Variants in CCDC160 observed in about 807,000 individuals in gnomAD.
CCDC160 encodes coiled-coil domain-containing protein 160.
For missense variants in CCDC160, 227 were observed against 215.6 expected (o/e 1.05, Z -0.33); for synonymous variants, 94 against 79.4 (o/e 1.18, Z -0.98).
intron 1 of CCDC160, among the ~76,000 whole-genome samples, chrX:134,243,965 A>G (rs1355185130): frequency 9.0e-6 from 1 of 111,400 alleles, no homozygotes; most frequent in Non-Finnish European, 1.9e-5. Flanking sequence ...TGGGTAGGGA[A>G]GACTCTTTTT....
intron 1 of CCDC160, 99 bp from the exon 3 acceptor site, chrX:134,244,678 A>G: frequency 1.2e-6 from 1 of 805,444 alleles, no homozygotes; most frequent in Non-Finnish European, 1.7e-6. Flanking sequence ...TCAAATGTTT[A>G]GATTCTTCAC....
intron 1 of CCDC160, chrX:134,243,377 T>C: frequency 1.3e-6 from 1 of 747,675 alleles, no homozygotes; most frequent in Non-Finnish European, 1.6e-6. Context: ...CTTCCATCTT[T>C]TGTGGGGAAA....
At chrX:134,245,176 C>T (rs1329031512) in exon 2 of CCDC160, 2 of 1,195,981 alleles carry the variant, frequency 1.7e-6, no homozygotes, top group Admixed American at 2.3e-5. Flanking sequence ...AGATAACTTA[C>T]CAGCTCTACT....
intron 1 of CCDC160, chrX:134,238,837 A>C (rs1459364984): frequency 3.6e-5 from 4 of 111,801 alleles, no homozygotes; most frequent in African/African-American, 1.3e-4. Flanking sequence ...GGACCCCAGG[A>C]AGTGTAAGTA....
At chrX:134,245,197 A>G (rs747236200) in exon 2 of CCDC160, 15 of 1,194,696 alleles carry the variant, frequency 1.3e-5, no homozygotes, top group South Asian at 1.9e-5. Flanking sequence ...AAGACAAGAC[A>G]TAAGAAAGAA....
intron 1 of CCDC160, among the ~76,000 whole-genome samples, chrX:134,241,522 C>T (rs1475820527): frequency 8.9e-6 from 1 of 111,924 alleles, no homozygotes; most frequent in Non-Finnish European, 1.9e-5. Context: ...TCATGTCAGA[C>T]ACAAATGAAT....
chrX:134,239,930 TC>T (rs1426747772), intron 1 of CCDC160, among the ~76,000 whole-genome samples: 2 of 112,221 alleles, frequency 1.8e-5, no homozygotes, highest in Non-Finnish European at 3.8e-5. Flanking sequence ...CACACTCAGT[TC>T]CTTTCTCAGG....
intron 1 of CCDC160, among the ~76,000 whole-genome samples, chrX:134,240,588 C>T (rs2077024030): frequency 9.3e-6 from 1 of 107,416 alleles, no homozygotes; most frequent in Non-Finnish European, 1.9e-5. Flanking sequence ...CCTACTCTGC[C>T]TGGAAGAATA....
chrX:134,243,800 C>T (rs1243381999), intron 1 of CCDC160, among the ~76,000 whole-genome samples: 6 of 111,262 alleles, frequency 5.4e-5, no homozygotes, highest in African/African-American at 2.0e-4. Context: ...TTCTCCTCAC[C>T]CTTTAGGGCT....
At chrX:134,241,860 T>C in intron 1 of CCDC160, among the ~76,000 whole-genome samples, 1 of 112,020 alleles carries the variant, frequency 8.9e-6, no homozygotes, top group Admixed American at 9.5e-5. Context: ...CCTAGTCAAG[T>C]TTATTGAGAA....
chrX:134,239,614 CT>C (rs778857363), intron 1 of CCDC160, among the ~76,000 whole-genome samples: 1 of 110,125 alleles, frequency 9.1e-6, no homozygotes, highest in East Asian at 2.8e-4. Flanking sequence ...TTCAAACTAA[CT>C]TTTTCTGAGG....
exon 2 of CCDC160, chrX:134,245,332 T>C: frequency 8.4e-7 from 1 of 1,189,963 alleles, no homozygotes; most frequent in Non-Finnish European, 1.1e-6. Context: ...ACTTTTGCAC[T>C]ACAAAAAAGA....
intron 1 of CCDC160, among the ~76,000 whole-genome samples, chrX:134,241,146 T>G (rs1160664980): frequency 1.8e-5 from 2 of 111,692 alleles, no homozygotes; most frequent in Non-Finnish European, 3.8e-5. Flanking sequence ...TGAGATGGTT[T>G]GTGGATTTCT....
At chrX:134,240,579 C>T (rs2077024008) in intron 1 of CCDC160, among the ~76,000 whole-genome samples, 1 of 108,972 alleles carries the variant, frequency 9.2e-6, no homozygotes, top group Non-Finnish European at 1.9e-5. Flanking sequence ...CAGTCCCTAC[C>T]TACTCTGCCT....
chrX:134,238,071 CTGAG>C (rs995484270), intron 1 of CCDC160, among the ~76,000 whole-genome samples: 7 of 111,804 alleles, frequency 6.3e-5, no homozygotes, highest in African/African-American at 1.6e-4. Flanking sequence ...TAACTACACT[CTGAG>C]GGAGGGAGGC....
At chrX:134,240,006 G>GT (rs2124125433) in intron 1 of CCDC160, among the ~76,000 whole-genome samples, 1 of 111,767 alleles carries the variant, frequency 8.9e-6, no homozygotes, top group East Asian at 2.8e-4. Context: ...CTTAACTTCA[G>GT]ACAGTTCATT....
intron 1 of CCDC160, among the ~76,000 whole-genome samples, chrX:134,241,937 G>T (rs1331835097): frequency 1.8e-5 from 2 of 111,960 alleles, no homozygotes; most frequent in Admixed American, 9.5e-5. Context: ...GTTCTTGCCA[G>T]AGAATACTAA....
exon 2 of CCDC160, chrX:134,245,765 G>C: frequency 9.0e-7 from 1 of 1,114,059 alleles, no homozygotes; most frequent in Non-Finnish European, 1.2e-6. Context: ...CACTTTACTG[G>C]GGATTTTTTT....
downstream of CCDC160, chrX:134,246,256 C>T (rs1316757895): frequency 9.0e-6 from 1 of 111,321 alleles, no homozygotes; most frequent in Non-Finnish European, 1.9e-5. Context: ...AATGGGATAC[C>T]AAAAATGTAT....
Sources: gnomAD v4.1 joint callset for allele counts (sites outside exome capture counted in the v4.1 genomes callset) on GRCh38, gnomAD v4.1.1 for gene constraint, MANE v1.5 for transcripts, NCBI Gene and HGNC (gene_info 2026-07-23, HGNC 2026-07-21) for gene names.